The following EMSY variants were observed in gnomAD, a reference collection of about 807,000 sequenced individuals.
The protein encoded by EMSY is BRCA2-interacting transcriptional repressor EMSY.
Under a neutral mutation model 134.6 loss-of-function variants are expected in EMSY, and 26 were observed. The ratio of observed to expected loss-of-function variants is 0.19; its 90% CI spans 0.14 to 0.27. EMSY has a LOEUF of 0.27. EMSY is among the 10% of genes least tolerant of loss of function. The pLI is 1.00. For synonymous variants in EMSY, 579 were observed against 577.8 expected, an observed-to-expected ratio of 1.00 and a Z score of -0.03; for missense variants, 1,305 against 1,611.4, an observed-to-expected ratio of 0.81 and a Z score of 3.26.
chr11:76,448,763 T>C (rs1358108031), intron 2 of EMSY, among the ~76,000 whole-genome samples: 2 of 152,216 alleles, frequency 1.3e-5, no homozygotes, highest in East Asian at 3.9e-4. Context: ...TGAATTGTCT[T>C]CACATGCTAA....
intron 9 of EMSY, among the ~76,000 whole-genome samples, chr11:76,502,442 C>T (rs1336274628): frequency 7.2e-6 from 1 of 138,130 alleles, no homozygotes; most frequent in Non-Finnish European, 1.5e-5. Context: ...TGACATGATC[C>T]TTTATATTAT....
intron 5 of EMSY, 60 bp from the exon 7 acceptor site, chr11:76,459,873 T>C: frequency 6.3e-7 from 1 of 1,579,522 alleles, no homozygotes; most frequent in Non-Finnish European, 8.6e-7. Context: ...AAATAATTTT[T>C]TTGTATGCCT....
At chr11:76,522,588 T>C (rs1950688016) in intron 11 of EMSY, among the ~76,000 whole-genome samples, 1 of 152,118 alleles carries the variant, frequency 6.6e-6, no homozygotes. Context: ...CTTGAACTCC[T>C]GACCTCTGGT....
chr11:76,452,344 CTTAA>C (rs1265269689), intron 3 of EMSY, among the ~76,000 whole-genome samples: 1 of 152,088 alleles, frequency 6.6e-6, no homozygotes, highest in Admixed American at 6.5e-5. Context: ...AGGAAGATGC[CTTAA>C]TTTACATAAA....
intron 12 of EMSY, among the ~76,000 whole-genome samples, chr11:76,526,178 A>T (rs1183827464): frequency 1.3e-5 from 2 of 152,190 alleles, no homozygotes; most frequent in Admixed American, 6.5e-5. Context: ...TATGTATTCC[A>T]TTAATGGGAT....
At chr11:76,464,434 G>C (rs1433431915) in intron 7 of EMSY, among the ~76,000 whole-genome samples, 1 of 152,144 alleles carries the variant, frequency 6.6e-6, no homozygotes, top group East Asian at 1.9e-4. Context: ...GTTTTAATTT[G>C]CCAAAGTAGT....
At chr11:76,535,010 A>T (rs752862775) in intron 14 of EMSY, among the ~76,000 whole-genome samples, 1 of 152,198 alleles carries the variant, frequency 6.6e-6, no homozygotes, top group Non-Finnish European at 1.5e-5. Flanking sequence ...CCTGTATAGC[A>T]TGAATATAAT....
At chr11:76,519,918 A>G (rs1950585192) in intron 11 of EMSY, among the ~76,000 whole-genome samples, 1 of 152,094 alleles carries the variant, frequency 6.6e-6, no homozygotes, top group Non-Finnish European at 1.5e-5. Flanking sequence ...CGAGCCAGAT[A>G]CTCTGCTGTG....
chr11:76,484,928 CAAAA>C (rs201336578), intron 8 of EMSY, among the ~76,000 whole-genome samples: 2 of 105,842 alleles, frequency 1.9e-5, no homozygotes, highest in East Asian at 2.4e-4. Context: ...AACTCCATCT[CAAAA>C]AAAAAAAAAA....
exon 21 of EMSY, chr11:76,550,268 C>T: frequency 2.9e-6 from 2 of 679,544 alleles, no homozygotes; most frequent in Non-Finnish European, 4.2e-6. Flanking sequence ...CCTAAAACAG[C>T]AGTGTTTCAA....
chr11:76,501,230 T>C (rs1949846699), intron 9 of EMSY, among the ~76,000 whole-genome samples: 1 of 152,208 alleles, frequency 6.6e-6, no homozygotes, highest in Non-Finnish European at 1.5e-5. Context: ...GAGGGCTGTA[T>C]GTATATTATC....
rs147786317 is a variant in EMSY at position 76,541,035 on chromosome 11, G to T, written c.2558-1181G>T. Among the ~76,000 whole-genome samples the T allele has an allele frequency of 4.1e-3, 630 of 152,246 alleles. 6 individuals carry two copies. Among genetic ancestry groups the T allele is most frequent in the African/African-American group, 0.015 (603 of 41,544 alleles). ...AGGTCAGGATTTCAAGACCAGCTTG[G>T]CCATCATGGCAAAACCCTGACTCTA... On this transcript the variant is annotated intron_variant, in intron 17 of 20. Transcript: ENST00000334736.
exon 15 of EMSY, chr11:76,535,949 A>G (rs1029191374): frequency 6.2e-7 from 1 of 1,602,382 alleles, no homozygotes; most frequent in Non-Finnish European, 8.5e-7. Flanking sequence ...TGGTCAGAAC[A>G]TGAGATTGCA....
chr11:76,520,183 A>G (rs61894541), intron 11 of EMSY, among the ~76,000 whole-genome samples: 20,763 of 152,074 alleles, frequency 0.14, 1,796 homozygotes, highest in East Asian at 0.28. Context: ...CTATTTTAAT[A>G]TAATGTTAGA....
exon 20 of EMSY, chr11:76,545,981 C>T: frequency 6.2e-7 from 1 of 1,614,112 alleles, no homozygotes; most frequent in Non-Finnish European, 8.5e-7. Flanking sequence ...TTGAAAATGT[C>T]TTTGATGGAA....
chr11:76,491,850 T>C (rs1219928466), intron 8 of EMSY, among the ~76,000 whole-genome samples: 1 of 152,254 alleles, frequency 6.6e-6, no homozygotes, highest in Non-Finnish European at 1.5e-5. Context: ...TCTGCTTAGC[T>C]GCCTAGCTGT....
intron 16 of EMSY, among the ~76,000 whole-genome samples, chr11:76,538,564 A>C (rs994152494): frequency 6.6e-6 from 1 of 152,140 alleles, no homozygotes; most frequent in African/African-American, 2.4e-5. Context: ...CCTGGCCTAG[A>C]ATAAGTATTT....
rs112897792 is a variant in EMSY, at chr11:76,508,444, A to G, written c.1364-4942A>G. Among the ~76,000 whole-genome samples, 755 of 151,678 alleles carry G rather than the reference A, an allele frequency of 5.0e-3. 4 individuals are homozygous for G. The highest frequency in any genetic ancestry group is 0.017 in the African/African-American group (717 of 41,292). The stretch of plus-strand genomic sequence containing the variant: ...GGTGTCATCCAGGCTTTGTTGTTTC[A>G]TTTATAGAGCACAGGCAGAGTAGAT... On this transcript the variant is annotated intron_variant, in intron 9 of 20. Coordinates refer to ENST00000334736, the Ensembl canonical transcript of EMSY.
intron 8 of EMSY, among the ~76,000 whole-genome samples, chr11:76,477,862 GCTA>G (rs1948826526): frequency 6.6e-6 from 1 of 151,992 alleles, no homozygotes. Context: ...ATTAATTGTT[GCTA>G]CTGTTTTTTT....
Sources: allele counts gnomAD v4.1 joint callset (sites outside exome capture counted in the v4.1 genomes callset), GRCh38; gene constraint gnomAD v4.1.1; transcripts MANE v1.5; gene names NCBI Gene and HGNC (gene_info 2026-07-23, HGNC 2026-07-21).